CAMSAP2: variants seen among roughly 807,000 people sequenced by gnomAD.
CAMSAP2 encodes calmodulin regulated spectrin associated protein family member 2.
A neutral mutation model predicts 146.1 loss-of-function variants in CAMSAP2; 26 were observed. That is an observed-to-expected ratio of 0.18 (90% CI 0.13 to 0.25). The LOEUF is 0.25. CAMSAP2 is among the 10% of genes least tolerant of loss of function. The pLI is 1.00. For missense variants in CAMSAP2, 1,381 were observed against 1,759.3 expected, an observed-to-expected ratio of 0.78 and a Z score of 3.85; for synonymous variants, 499 against 596.6, an observed-to-expected ratio of 0.84 and a Z score of 2.38.
chr1:200,788,643 C>CTT (rs71564133), intron 2 of CAMSAP2, among the ~76,000 whole-genome samples: 1 of 122,422 alleles, frequency 8.2e-6, no homozygotes. Context: ...TTCTTTTTTT[C>CTT]TTTTTTTTTT....
intron 2 of CAMSAP2, 149 bp downstream of exon 2, chr1:200,761,247 C>T: frequency 1.3e-6 from 1 of 765,514 alleles, no homozygotes; most frequent in East Asian, 2.6e-5. Context: ...AACCTTGTTT[C>T]CAAATGAAGG....
intron 4 of CAMSAP2, among the ~76,000 whole-genome samples, chr1:200,819,295 C>T (rs1253604072): frequency 6.6e-6 from 1 of 152,102 alleles, no homozygotes; most frequent in African/African-American, 2.4e-5. Flanking sequence ...CCAAGTTGCT[C>T]ATTTTGCTTC....
intron 4 of CAMSAP2, among the ~76,000 whole-genome samples, chr1:200,829,469 T>A (rs1186979218): frequency 6.6e-6 from 1 of 152,172 alleles, no homozygotes; most frequent in Non-Finnish European, 1.5e-5. Context: ...TTTGTGTGAT[T>A]AAGAAAGCAG....
At chr1:200,782,408 A>T (rs1665459430) in intron 2 of CAMSAP2, among the ~76,000 whole-genome samples, 1 of 152,182 alleles carries the variant, frequency 6.6e-6, no homozygotes, top group African/African-American at 2.4e-5. Context: ...TACAGTTGAG[A>T]TATAGAACAT....
intron 2 of CAMSAP2, among the ~76,000 whole-genome samples, chr1:200,802,449 T>C (rs968328620): frequency 1.3e-5 from 2 of 152,202 alleles, no homozygotes; most frequent in African/African-American, 4.8e-5. Flanking sequence ...TATGAAAAAG[T>C]GTTTATATAG....
At chr1:200,789,280 T>G (rs1665682356) in intron 2 of CAMSAP2, among the ~76,000 whole-genome samples, 1 of 152,208 alleles carries the variant, frequency 6.6e-6, no homozygotes, top group African/African-American at 2.4e-5. Flanking sequence ...CTAGTTTTTC[T>G]TCTGTTATCT....
Position 200,848,865 on chromosome 1 carries a change from A to G in CAMSAP2, c.2096A>G (p.His699Arg). The change falls in exon 11 of 17, where the codon CAT becomes CGT. Residue 699 changes from histidine (H) to arginine (R), a missense_variant. His to Arg is a conservative substitution (Grantham distance 29). Around this residue, in one of 4 missense-constraint regions of CAMSAP2, gnomAD observed 447 missense variants for 462.2 expected, o/e 0.97. Coordinates refer to ENST00000358823, the MANE Select transcript of CAMSAP2 (RefSeq NM_203459.4). ...FAEQKFRKLN[H>R]TDGKSSGSSS... Reference sequence around the variant, plus strand: ...GAACAAAAATTCAGGAAACTGAATCATACCGATGGAAAAAGTAGTGGAAGC... The same window carrying G: ...GAACAAAAATTCAGGAAACTGAATCGTACCGATGGAAAAAGTAGTGGAAGC... The G allele has an allele frequency of 6.2e-7, 1 of 1,614,206 alleles. No individual in the cohort carries two copies. Among genetic ancestry groups the G allele is most frequent in the African/African-American group, 1.3e-5 (1 of 75,060 alleles).
rs1409411216 is a variant in CAMSAP2, at chr1:200,739,999, C to T, written c.139+33C>T. The T allele has an allele frequency of 1.2e-6, 2 of 1,609,036 alleles. No homozygotes were observed. Among genetic ancestry groups the T allele is most frequent in the Non-Finnish European group, 1.7e-6 (2 of 1,176,764 alleles). Reference sequence around the variant, plus strand: ...GTGTCACCCTTTCCCTCCCCTCTTCCTCCTGATGTGGTCCACATCTCGGTT... The same window carrying T: ...GTGTCACCCTTTCCCTCCCCTCTTCTTCCTGATGTGGTCCACATCTCGGTT... On this transcript the variant is annotated intron_variant, in intron 1 of 16. Transcript: ENST00000358823. The surrounding 1 kb of genome is among the most constrained non-coding windows in gnomAD (Gnocchi z 4.8).
intron 12 of CAMSAP2, 149 bp downstream of exon 12, chr1:200,852,826 A>AAT: frequency 2.7e-6 from 2 of 750,878 alleles, no homozygotes; most frequent in Non-Finnish European, 4.0e-6. Flanking sequence ...ATAGATAGAC[A>AAT]GCTGGATCAA....
intron 3 of CAMSAP2, among the ~76,000 whole-genome samples, chr1:200,809,382 C>T (rs992217507): frequency 2.6e-5 from 4 of 152,170 alleles, no homozygotes; most frequent in Non-Finnish European, 4.4e-5. Flanking sequence ...TCCTGTACTT[C>T]AGTTCTTACT....
chr1:200,832,505 A>G lies in CAMSAP2; in HGVS notation c.787+164A>G, dbSNP rs928606900. Reference sequence around the variant, plus strand: ...GAAGACTTTTTTTTAAAAATAAAGAACATTTATATATAATTCTGAGGGAGG... The same window carrying G: ...GAAGACTTTTTTTTAAAAATAAAGAGCATTTATATATAATTCTGAGGGAGG... On this transcript the variant is annotated intron_variant, in intron 5 of 16. Coordinates refer to ENST00000358823, the MANE Select transcript of CAMSAP2 (RefSeq NM_203459.4). This position sits in a 1 kb window ranked among gnomAD's most constrained non-coding sequence, Gnocchi z 4.2. Among the ~76,000 whole-genome samples, 9 of 152,178 alleles carry G rather than the reference A, an allele frequency of 5.9e-5. No individual in the cohort carries two copies. Among genetic ancestry groups the G allele is most frequent in the Non-Finnish European group, 1.3e-4 (9 of 68,030 alleles).
chr1:200,777,849 A>G (rs1187561636), intron 2 of CAMSAP2, among the ~76,000 whole-genome samples: 1 of 152,162 alleles, frequency 6.6e-6, no homozygotes, highest in Non-Finnish European at 1.5e-5. Flanking sequence ...CTGAGATGAG[A>G]GGATGGCTTG....
intron 2 of CAMSAP2, among the ~76,000 whole-genome samples, chr1:200,770,344 T>C (rs1428240178): frequency 6.6e-6 from 1 of 152,146 alleles, no homozygotes; most frequent in Non-Finnish European, 1.5e-5. Flanking sequence ...TTGCATCTGC[T>C]GATTCCAAAG....
chr1:200,797,403 G>A (rs1477187188), intron 2 of CAMSAP2, among the ~76,000 whole-genome samples: 232 of 151,394 alleles, frequency 1.5e-3, no homozygotes, highest in African/African-American at 5.0e-3. Context: ...GTTTTGATTT[G>A]CATTTCTCTG....
At chr1:200,782,456 C>A (rs189521433) in intron 2 of CAMSAP2, among the ~76,000 whole-genome samples, 423 of 152,270 alleles carry the variant, frequency 2.8e-3, no homozygotes, top group African/African-American at 9.4e-3. Flanking sequence ...TTTTTGCAGT[C>A]AGCCCGCAGC....
chr1:200,805,402 G>A (rs1232114991), intron 2 of CAMSAP2, among the ~76,000 whole-genome samples: 7 of 152,174 alleles, frequency 4.6e-5, no homozygotes, highest in African/African-American at 1.7e-4. Flanking sequence ...CACGTTAGAT[G>A]TAGGGAATAG....
intron 4 of CAMSAP2, chr1:200,828,746 G>A (rs889391312): frequency 3.8e-5 from 30 of 785,248 alleles, no homozygotes; most frequent in Non-Finnish European, 6.0e-5. Context: ...ATGTAAAATG[G>A]AAAGATAAAA....
intron 2 of CAMSAP2, among the ~76,000 whole-genome samples, chr1:200,764,109 G>A (rs896827318): frequency 1.3e-5 from 2 of 152,102 alleles, no homozygotes; most frequent in Admixed American, 6.6e-5. Context: ...AAAGAGTAAA[G>A]TAAGAGTTAA....
chr1:200,802,324 C>T (rs1359011082), intron 2 of CAMSAP2, among the ~76,000 whole-genome samples: 1 of 152,094 alleles, frequency 6.6e-6, no homozygotes, highest in Non-Finnish European at 1.5e-5. Flanking sequence ...ACTCTGTGAC[C>T]AAATGTAGAT....
Sources: allele counts gnomAD v4.1 joint callset (sites outside exome capture counted in the v4.1 genomes callset), GRCh38; gene constraint gnomAD v4.1.1; regional missense constraint gnomAD v4.1.1; non-coding constraint Gnocchi (gnomAD v3.1); transcripts MANE v1.5; gene names NCBI Gene and HGNC (gene_info 2026-07-23, HGNC 2026-07-21).